The following HSD17B3 variants were observed in gnomAD, a reference collection of about 807,000 sequenced individuals.
HSD17B3 encodes 17-beta-hydroxysteroid dehydrogenase type 3.
Under a neutral mutation model 41.1 loss-of-function variants are expected in HSD17B3, and 29 were observed. The observed-to-expected ratio is 0.71, with a 90% CI of 0.53 to 0.96. HSD17B3 has a LOEUF of 0.96. HSD17B3 is among the 40% of genes least tolerant of loss of function. The pLI is 0.00. For synonymous variants in HSD17B3, 126 were observed against 145.6 expected, an observed-to-expected ratio of 0.87 and a Z score of 0.97; for missense variants, 323 against 374.6, an observed-to-expected ratio of 0.86 and a Z score of 1.14.
rs1190128638 is a variant in HSD17B3, at chr9:96,302,058, A to G, written c.47T>C (p.Val16Ala). The change falls in exon 1 of 11, where the codon GTG (valine) becomes GCG (alanine). Residue 16 changes from valine (V) to alanine (A), a missense_variant. Coordinates refer to ENST00000375263, the MANE Select transcript of HSD17B3 (RefSeq NM_000197.2). ...EQFFILTGLL[V>A]CLACLAKCVR... The stretch of plus-strand genomic sequence containing the variant: ...GCACTTCGCCAGGCAGGCCAGGCAC[A>G]CCAGCAGCCCTGTGAGGATGAAGAA... The G allele has an allele frequency of 1.2e-6, 2 of 1,614,174 alleles. No individual in the cohort carries two copies. The highest frequency in any genetic ancestry group is 1.7e-6 in the Non-Finnish European group (2 of 1,180,032).
chr9:96,246,831 C>A (rs1836685714), intron 6 of HSD17B3, among the ~76,000 whole-genome samples: 1 of 152,142 alleles, frequency 6.6e-6, no homozygotes. Flanking sequence ...TTTCTTCCCC[C>A]TAAAGCTAAT....
At chr9:96,250,659 G>C (rs1836860539) in intron 5 of HSD17B3, among the ~76,000 whole-genome samples, 1 of 152,148 alleles carries the variant, frequency 6.6e-6, no homozygotes, top group Non-Finnish European at 1.5e-5. Flanking sequence ...GGCCGAGCCA[G>C]GTGGATTACC....
intron 2 of HSD17B3, among the ~76,000 whole-genome samples, chr9:96,287,437 G>A (rs538788932): frequency 2.7e-4 from 41 of 152,336 alleles, no homozygotes; most frequent in African/African-American, 8.2e-4. Flanking sequence ...CTGGCCGGGC[G>A]TGGTGGCTCA....
chr9:96,273,321 A>G (rs1451646643), intron 2 of HSD17B3, among the ~76,000 whole-genome samples: 1 of 152,228 alleles, frequency 6.6e-6, no homozygotes, highest in African/African-American at 2.4e-5. Context: ...ATTACAAAGA[A>G]GTTTCAGCAA....
chr9:96,257,840 T>C (rs886520443), intron 2 of HSD17B3, among the ~76,000 whole-genome samples: 1 of 152,212 alleles, frequency 6.6e-6, no homozygotes, highest in Non-Finnish European at 1.5e-5. Context: ...AATTCTTTAT[T>C]TTTTGTAGAA....
intron 3 of HSD17B3, among the ~76,000 whole-genome samples, chr9:96,254,464 G>C (rs1352539809): frequency 6.6e-6 from 1 of 152,208 alleles, no homozygotes; most frequent in East Asian, 1.9e-4. Context: ...TCAGGAATTA[G>C]TTTAGCAAAC....
chr9:96,289,999 T>C (rs530956814), intron 2 of HSD17B3, among the ~76,000 whole-genome samples: 1 of 152,104 alleles, frequency 6.6e-6, no homozygotes, highest in Admixed American at 6.6e-5. Context: ...CAGCGGGTAG[T>C]GGGAATGCCA....
chr9:96,279,792 T>C (rs759556706), intron 2 of HSD17B3, among the ~76,000 whole-genome samples: 95 of 151,862 alleles, frequency 6.3e-4, no homozygotes, highest in Non-Finnish European at 1.1e-3. Flanking sequence ...TTTTTTTAGA[T>C]GGAGTCTCGC....
chr9:96,265,226 C>T (rs1041868241), intron 2 of HSD17B3, among the ~76,000 whole-genome samples: 1 of 152,126 alleles, frequency 6.6e-6, no homozygotes, highest in Non-Finnish European at 1.5e-5. Context: ...GGTCAATAGC[C>T]CTTAGAAAGT....
intron 2 of HSD17B3, among the ~76,000 whole-genome samples, chr9:96,267,153 C>T (rs1333368773): frequency 1.9e-5 from 2 of 106,974 alleles, no homozygotes; most frequent in Non-Finnish European, 3.8e-5. Context: ...AGGCAAAAGA[C>T]AACATTTTTT....
At position 96,235,469 on chromosome 9, in the gene HSD17B3, C is replaced by A; in HGVS notation, c.924G>T (p.Lys308Asn). 2 of 1,612,584 alleles carry A rather than the reference C, an allele frequency of 1.2e-6. No individual in the cohort carries two copies. The highest frequency in any genetic ancestry group is 1.7e-6 in the Non-Finnish European group (2 of 1,178,828). The change falls in exon 11 of 11, where the codon AAG becomes AAT. Residue 308 changes from lysine to asparagine, a missense_variant. Coordinates refer to ENST00000375263, the MANE Select transcript of HSD17B3 (RefSeq NM_000197.2). ...HYVAYLKLNT[K>N]VR ...ACTCCTCACCGCCTGGCTACCTGAC[C>A]TTGGTGTTGAGCTTCAGGTATGCCA... is the stretch of plus-strand genomic sequence containing the variant.
chr9:96,263,553 TAAA>T (rs55948029), intron 2 of HSD17B3, among the ~76,000 whole-genome samples: 2 of 144,332 alleles, frequency 1.4e-5, no homozygotes, highest in Admixed American at 6.9e-5. Context: ...CCGTCTCTAC[TAAA>T]AAAAAAAAAG....
At chr9:96,240,719 C>G in intron 10 of HSD17B3, 39 bp downstream of exon 10, 1 of 1,612,134 alleles carries the variant, frequency 6.2e-7, no homozygotes, top group Non-Finnish European at 8.5e-7. Flanking sequence ...TGCGTGTCCT[C>G]CCTCCCTGGC....
intron 4 of HSD17B3, 110 bp downstream of exon 4, chr9:96,252,693 C>T: frequency 2.6e-6 from 2 of 760,796 alleles, no homozygotes; most frequent in Middle Eastern, 3.6e-4. Context: ...GCTTAAAATA[C>T]AGTCATGGTT....
chr9:96,248,543 A>G (rs1164429969), intron 6 of HSD17B3, among the ~76,000 whole-genome samples: 1 of 152,172 alleles, frequency 6.6e-6, no homozygotes, highest in Non-Finnish European at 1.5e-5. Context: ...TTATCACTGC[A>G]GTCCTACTGA....
intron 6 of HSD17B3, among the ~76,000 whole-genome samples, chr9:96,248,907 A>G (rs866048240): frequency 7.0e-6 from 1 of 142,246 alleles, no homozygotes; most frequent in Non-Finnish European, 1.5e-5. Context: ...ATCCACAGCC[A>G]TTTTTTTTTT....
At chr9:96,250,433 G>A in intron 5 of HSD17B3, 4 of 1,066,690 alleles carry the variant, frequency 3.7e-6, no homozygotes, top group Non-Finnish European at 4.5e-6. Flanking sequence ...CAAGCAGTCT[G>A]GCATTATCAC....
intron 2 of HSD17B3, among the ~76,000 whole-genome samples, chr9:96,278,349 T>A (rs1462442339): frequency 6.6e-6 from 1 of 152,216 alleles, no homozygotes; most frequent in Non-Finnish European, 1.5e-5. Context: ...TATTTCACAA[T>A]GTATACATAT....
intron 6 of HSD17B3, chr9:96,247,161 C>A (rs1365729062): frequency 3.2e-5 from 5 of 156,592 alleles, no homozygotes; most frequent in Admixed American, 3.1e-4. Context: ...CTAGAGACCC[C>A]TGAAAAGGTC....
Sources: allele counts gnomAD v4.1 joint callset (sites outside exome capture counted in the v4.1 genomes callset), GRCh38; gene constraint gnomAD v4.1.1; transcripts MANE v1.5; gene names NCBI Gene and HGNC (gene_info 2026-07-23, HGNC 2026-07-21).